Variants in CST8 observed in about 807,000 individuals in gnomAD.
The protein encoded by CST8 is cystatin 8, also known as cystatin-8.
A neutral mutation model predicts 11.8 loss-of-function variants in CST8; 20 were observed. The observed-to-expected ratio is 1.70, with a 90% CI of 1.20 to 2.47. CST8 has a LOEUF of 2.47. Among genes scored for constraint, CST8 ranks in the 30% most tolerant of loss-of-function variants. The pLI is 0.00. For synonymous variants in CST8, 77 were observed against 63.1 expected (o/e 1.22, Z -1.05); for missense variants, 196 against 167.2 (o/e 1.17, Z -0.95).
chr20:23,492,936 T>A (rs890750641), intron 2 of CST8, 22 bp from the exon 3 acceptor site: 3 of 1,308,698 alleles, frequency 2.3e-6, no homozygotes, highest in Non-Finnish European at 3.3e-6. Flanking sequence ...TTGAATAAAA[T>A]TGCATAATTG....
chr20:23,495,996 A>G lies in CST8; in HGVS notation c.*82A>G. Reference sequence around the variant, plus strand: ...CAATGGCAGGTGGGAGGCTCTTCCCAATGTGCTTTCTTCATGCATGCCTCT... The same window carrying G: ...CAATGGCAGGTGGGAGGCTCTTCCCGATGTGCTTTCTTCATGCATGCCTCT... On this transcript the variant is annotated 3_prime_UTR_variant, in exon 4 of 4. Transcript: ENST00000246012. The G allele has an allele frequency of 9.0e-7, 1 of 1,106,662 alleles. No homozygotes were observed. The highest frequency in any genetic ancestry group is 1.4e-5 in the South Asian group (1 of 73,316). The allele number at this position is 1,106,662 out of a possible 1,614,324, so 68.6% of individuals were successfully genotyped here.
At chr20:23,502,406 C>T in the CST8 span, among the ~76,000 whole-genome samples, 10 of 152,350 alleles carry the variant, frequency 6.6e-5, no homozygotes, top group South Asian at 1.9e-3. Flanking sequence ...AGCGGAATCT[C>T]ACAATGCCCC....
At chr20:23,492,560 C>T (rs1192691068) in intron 2 of CST8, among the ~76,000 whole-genome samples, 3 of 152,148 alleles carry the variant, frequency 2.0e-5, no homozygotes, top group Non-Finnish European at 4.4e-5. Context: ...GGGGCTGTCC[C>T]CTGGTCAGGC....
chr20:23,504,428 C>T, the CST8 span, among the ~76,000 whole-genome samples: 1 of 152,138 alleles, frequency 6.6e-6, no homozygotes, highest in Non-Finnish European at 1.5e-5. Flanking sequence ...CACTCCTCCC[C>T]AAGGCAATGT....
the CST8 span, among the ~76,000 whole-genome samples, chr20:23,502,605 A>G: frequency 2.6e-5 from 4 of 152,338 alleles, no homozygotes; most frequent in East Asian, 5.8e-4. Context: ...TCTGTCATCT[A>G]TAACCAGGTG....
At chr20:23,491,458 T>G in intron 1 of CST8, 67 bp from the exon 2 acceptor site, 1 of 583,948 alleles carries the variant, frequency 1.7e-6, no homozygotes, top group South Asian at 2.1e-5. Flanking sequence ...CATTCCTGGG[T>G]GGGTTTCCAT....
chr20:23,505,275 G>C, the CST8 span, among the ~76,000 whole-genome samples: 13 of 150,982 alleles, frequency 8.6e-5, no homozygotes, highest in South Asian at 2.7e-3. Flanking sequence ...CTCCCGAGTA[G>C]CTGGGACTAC....
At chr20:23,495,612 T>C (rs1279005720) in intron 3 of CST8, among the ~76,000 whole-genome samples, 29 of 152,194 alleles carry the variant, frequency 1.9e-4, no homozygotes, top group Admixed American at 1.8e-3. Context: ...CTTGTCTTCC[T>C]GTGGTTAAAA....
the CST8 span, among the ~76,000 whole-genome samples, chr20:23,506,186 C>A: frequency 6.6e-6 from 1 of 152,104 alleles, no homozygotes; most frequent in Non-Finnish European, 1.5e-5. Context: ...AAGTGAAATA[C>A]TCATTAAGTC....
At chr20:23,498,665 G>A (rs138186714), downstream of CST8, among the ~76,000 whole-genome samples, 7 of 152,136 alleles carry the variant, frequency 4.6e-5, no homozygotes, top group African/African-American at 1.2e-4. Flanking sequence ...TGCCACTCCC[G>A]TTATGCCCAC....
In CST8 at chr20:23,491,612, C is replaced by A. The variant is rs1389764994; in HGVS notation, c.-56C>A. 11 of 1,413,366 alleles carry A rather than the reference C, an allele frequency of 7.8e-6. No homozygotes were observed. Among genetic ancestry groups the A allele is most frequent in the Non-Finnish European group, 1.1e-5 (11 of 1,002,648 alleles). 87.6% of individuals were successfully genotyped at this position (1,413,366 alleles called of 1,614,324 possible). A position where few individuals can be genotyped will look rare whatever the true frequency, so the allele number is the denominator to read the frequency against. On this transcript the variant is annotated 5_prime_UTR_variant, in exon 2 of 4. Transcript: ENST00000246012. ...TGCGGCCACCCCATCCTGCCCACAG[C>A]TCCAGCCCTGAGACGACGAGGAGGA...
downstream of CST8, among the ~76,000 whole-genome samples, chr20:23,499,356 C>G (rs1278820678): frequency 6.6e-6 from 1 of 152,178 alleles, no homozygotes; most frequent in Non-Finnish European, 1.5e-5. Context: ...AAATGCAAAA[C>G]AAGCTTCATT....
chr20:23,494,557 A>G (rs1987985360), intron 3 of CST8, among the ~76,000 whole-genome samples: 1 of 152,106 alleles, frequency 6.6e-6, no homozygotes. Context: ...TCTGCCTCTT[A>G]ACTCCTGGAA....
downstream of CST8, among the ~76,000 whole-genome samples, chr20:23,496,383 G>A (rs745870758): frequency 1.2e-4 from 19 of 152,064 alleles, no homozygotes; most frequent in Non-Finnish European, 2.2e-4. Context: ...GATGCCCCCT[G>A]AGCCTTAAAA....
At chr20:23,503,362 A>C in the CST8 span, among the ~76,000 whole-genome samples, 1 of 152,262 alleles carries the variant, frequency 6.6e-6, no homozygotes, top group Non-Finnish European at 1.5e-5. Context: ...ACTAATCCTG[A>C]CATGTTGAAA....
intron 3 of CST8, 134 bp from the exon 4 acceptor site, chr20:23,495,697 G>A (rs1490306192): frequency 4.5e-6 from 3 of 662,020 alleles, no homozygotes; most frequent in Admixed American, 5.7e-5. Flanking sequence ...ATTCCTGGGA[G>A]CTCGCTCGAG....
chr20:23,494,335 G>C (rs1171000408), intron 3 of CST8, among the ~76,000 whole-genome samples: 1 of 152,158 alleles, frequency 6.6e-6, no homozygotes, highest in African/African-American at 2.4e-5. Context: ...GAGCCCACTT[G>C]TGTCTAAGAT....
At chr20:23,498,225 A>C (rs982552018), downstream of CST8, among the ~76,000 whole-genome samples, 1 of 152,204 alleles carries the variant, frequency 6.6e-6, no homozygotes, top group Non-Finnish European at 1.5e-5. Flanking sequence ...TGACAATGTA[A>C]ATAGACAACA....
chr20:23,506,356 G>A, the CST8 span, among the ~76,000 whole-genome samples: 1 of 152,170 alleles, frequency 6.6e-6, no homozygotes, highest in South Asian at 2.1e-4. Flanking sequence ...GCCTGTAGGT[G>A]TGTGGACAGT....
Sources: allele counts gnomAD v4.1 joint callset (sites outside exome capture counted in the v4.1 genomes callset), GRCh38; gene constraint gnomAD v4.1.1; transcripts MANE v1.5; gene names NCBI Gene and HGNC (gene_info 2026-07-23, HGNC 2026-07-21).